The following WDR6 variants were observed in gnomAD, a reference collection of about 807,000 sequenced individuals.
The protein encoded by WDR6 is tRNA (34-2'-O)-methyltransferase regulator WDR6.
WDR6 carries 58 observed loss-of-function variants against 85.6 expected under a neutral mutation model. The observed-to-expected ratio is 0.68, with a 90% confidence interval of 0.55 to 0.84. The LOEUF is 0.84. Among genes scored for constraint, WDR6 ranks in the 40% least tolerant of loss-of-function variants. The probability of loss-of-function intolerance (pLI) is 0.00; values close to 1 mark genes in which losing one functional copy is unlikely to be tolerated. For synonymous variants in WDR6, 569 were observed against 582.2 expected (o/e 0.98, Z 0.33); for missense variants, 1,310 against 1,476.4 (o/e 0.89, Z 1.85).
Position 49,013,044 on chromosome 3 carries a change from G to A in WDR6, c.1510G>A (p.Asp504Asn), listed in dbSNP as rs755158944. ...ATGCAGTGCCTTCCTACCCCCAGGT[G>A]ACTTCCTGGTGTGTGGTGACCGCCG... ...HTCSAFLPPG[D>N]FLVCGDRRGS... Residue 504 changes from aspartate (D) to asparagine (N), a missense_variant, in exon 2 of 6, where the codon GAC becomes AAC. Coordinates refer to ENST00000608424, the MANE Select transcript of WDR6 (RefSeq NM_018031.6). The surrounding 1 kb of genome is among the most constrained non-coding windows in gnomAD (Gnocchi z 4.6). 8 of 1,612,252 alleles carry A rather than the reference G, an allele frequency of 5.0e-6. No homozygotes were observed. The highest frequency in any genetic ancestry group is 1.3e-5 in the African/African-American group (1 of 74,878).
In WDR6 at chr3:49,015,794, G is replaced by A. The variant is rs549158920; in HGVS notation, c.*506G>A. The A allele has an allele frequency of 3.7e-6, 6 of 1,614,140 alleles. No individual in the cohort carries two copies. In the African/African-American group the frequency reaches 5.3e-5, roughly 14 times the overall value. On this transcript the variant is annotated 3_prime_UTR_variant, in exon 6 of 6. Coordinates refer to ENST00000608424, the MANE Select transcript of WDR6 (RefSeq NM_018031.6). ...TCTGCACGTCCCACCCCATTTTGCT[G>A]TGTGCTCACCCCCAGGATGTGTACC...
chr3:49,015,820 C>T lies in WDR6; in HGVS notation c.*532C>T, dbSNP rs776310312. The T allele has an allele frequency of 1.3e-5, 21 of 1,614,052 alleles. No individual in the cohort carries two copies. Among genetic ancestry groups the T allele is most frequent in the African/African-American group, 5.3e-5 (4 of 74,912 alleles). ...TGTGCTCACCCCCAGGATGTGTACC[C>T]GGTTGTAGTAGGAGCTGAAATCCAT... On this transcript the variant is annotated 3_prime_UTR_variant, in exon 6 of 6. Coordinates refer to ENST00000608424, the MANE Select transcript of WDR6 (RefSeq NM_018031.6).
At position 49,015,530 on chromosome 3, in the gene WDR6, G is replaced by C; in HGVS notation, c.*242G>C. On this transcript the variant is annotated 3_prime_UTR_variant, in exon 6 of 6. Coordinates refer to ENST00000608424, the MANE Select transcript of WDR6 (RefSeq NM_018031.6). ...CAATTTATTTTGGCCGTGGGTTTTT[G>C]CTTTTTTTCCAGTTGATGACTTTGT... 9 of 1,598,380 alleles carry C rather than the reference G, an allele frequency of 5.6e-6. No homozygotes were observed. The South Asian group carries it at 1.0e-4, about 18-fold the overall frequency.
At position 49,015,944 on chromosome 3, in the gene WDR6, G is replaced by A. The variant is rs762100811; in HGVS notation, c.*656G>A. Reference sequence around the variant, plus strand: ...CCCAGGCCAGAATAAAGAATAGAGTGTAGAGTGTCCTGGTTGTCTATGCCT... The same window carrying A: ...CCCAGGCCAGAATAAAGAATAGAGTATAGAGTGTCCTGGTTGTCTATGCCT... On this transcript the variant is annotated 3_prime_UTR_variant, in exon 6 of 6. Coordinates refer to ENST00000608424, the MANE Select transcript of WDR6 (RefSeq NM_018031.6). 6 of 1,614,184 alleles carry A rather than the reference G, an allele frequency of 3.7e-6. No homozygotes were observed. The highest frequency in any genetic ancestry group is 5.1e-6 in the Non-Finnish European group (6 of 1,180,026).
rs1466159755 is a variant in WDR6 at position 49,013,442 on chromosome 3, G to A, written c.1908G>A (p.Glu636=). Residue 636 remains glutamate, a synonymous_variant, in exon 2 of 6, where the codon GAG becomes GAA. Coordinates refer to ENST00000608424, the MANE Select transcript of WDR6 (RefSeq NM_018031.6). This position sits in a 1 kb window ranked among gnomAD's most constrained non-coding sequence, Gnocchi z 4.6. ...TTATCCTGGGTTTCCATGCCAATGA[G>A]TTTGTGGTGTGGAACCCTCGGTCAC... ...SMVILGFHAN[E]FVVWNPRSHE... The A allele has an allele frequency of 6.2e-7, 1 of 1,614,192 alleles. No homozygotes were observed. Among genetic ancestry groups the A allele is most frequent in the South Asian group, 1.1e-5 (1 of 91,086 alleles).
chr3:49,015,847 C>T lies in WDR6; in HGVS notation c.*559C>T, dbSNP rs1288134744. On this transcript the variant is annotated 3_prime_UTR_variant, in exon 6 of 6. Transcript: ENST00000608424. Reference sequence around the variant, plus strand: ...GTTGTAGTAGGAGCTGAAATCCATGCTGAGCTGTACCAGGAACTTGCATAT... The same window carrying T: ...GTTGTAGTAGGAGCTGAAATCCATGTTGAGCTGTACCAGGAACTTGCATAT... 2 of 1,614,110 alleles carry T rather than the reference C, an allele frequency of 1.2e-6. No individual in the cohort carries two copies. Among genetic ancestry groups the T allele is most frequent in the Non-Finnish European group, 1.7e-6 (2 of 1,180,056 alleles).
intron 1 of WDR6, among the ~76,000 whole-genome samples, chr3:49,009,311 A>C (rs377353637): frequency 0.1 from 6,355 of 62,096 alleles, 36 homozygotes; most frequent in Non-Finnish European, 0.12. Context: ...ATTGCTCCCC[A>C]CCCCCCCCCC....
Position 49,013,091 on chromosome 3 carries a change from C to T in WDR6, c.1557C>T (p.Pro519=). 1 of 1,610,306 alleles carries T rather than the reference C, an allele frequency of 6.2e-7. No individual in the cohort carries two copies. The highest frequency in any genetic ancestry group is 2.2e-5 in the East Asian group (1 of 44,798). The part of the protein sequence containing the change: ...GDRRGSVLLF[P]SRPGLLKDPG... ...GCCGGGGCTCTGTGCTGCTATTCCCCTCCAGACCAGGTCTGCTCAAGGACC... is the reference window on the plus strand; with the variant it reads ...GCCGGGGCTCTGTGCTGCTATTCCCTTCCAGACCAGGTCTGCTCAAGGACC... Residue 519 remains proline, a synonymous_variant, in exon 2 of 6, where the codon CCC becomes CCT. Transcript: ENST00000608424. This position sits in a 1 kb window ranked among gnomAD's most constrained non-coding sequence, Gnocchi z 4.6.
chr3:49,015,804 C>G lies in WDR6; in HGVS notation c.*516C>G. The stretch of plus-strand genomic sequence containing the variant: ...CCACCCCATTTTGCTGTGTGCTCAC[C>G]CCCAGGATGTGTACCCGGTTGTAGT... On this transcript the variant is annotated 3_prime_UTR_variant, in exon 6 of 6. Transcript: ENST00000608424. The G allele has an allele frequency of 6.2e-7, 1 of 1,614,152 alleles. No individual in the cohort carries two copies. Among genetic ancestry groups the G allele is most frequent in the Non-Finnish European group, 8.5e-7 (1 of 1,180,036 alleles).
rs769687853 is a variant in WDR6 at position 49,012,690 on chromosome 3, G to C, written c.1156G>C (p.Glu386Gln). The change falls in exon 2 of 6, where the codon GAG (glutamate) becomes CAG (glutamine). Residue 386 changes from glutamate to glutamine, a missense_variant. Coordinates refer to ENST00000608424, the MANE Select transcript of WDR6 (RefSeq NM_018031.6). The surrounding 1 kb of genome is among the most constrained non-coding windows in gnomAD (Gnocchi z 4.4). ...GGTCAAGTGCTGGGAGCAGCTGCTA[G>C]AGGATAAACATTTCCAGTCCTACTG... The part of the protein sequence containing the change: ...VEVKCWEQLL[E>Q]DKHFQSYCLL... 1 of 1,614,030 alleles carries C rather than the reference G, an allele frequency of 6.2e-7. No individual in the cohort carries two copies.
At chr3:49,008,528 C>T (rs2092997428) in intron 1 of WDR6, 1 of 152,132 alleles carries the variant, frequency 6.6e-6, no homozygotes, top group African/African-American at 2.4e-5. Context: ...CTCAAAGAAC[C>T]ACAAGAGTGA....
Position 49,014,527 on chromosome 3 carries a change from A to G in WDR6, c.2783+28A>G, listed in dbSNP as rs974423030. 1 of 1,613,810 alleles carries G rather than the reference A, an allele frequency of 6.2e-7. No homozygotes were observed. The highest frequency in any genetic ancestry group is 1.1e-5 in the South Asian group (1 of 91,076). ...GAGAGGGGCTGGATGATGGTCCTGCATGGGCTGGGTTGGGGGGTTCCTGTT... is the reference window on the plus strand; with the variant it reads ...GAGAGGGGCTGGATGATGGTCCTGCGTGGGCTGGGTTGGGGGGTTCCTGTT... On this transcript the variant is annotated intron_variant, in intron 4 of 5. Coordinates refer to ENST00000608424, the MANE Select transcript of WDR6 (RefSeq NM_018031.6). This position sits in a 1 kb window ranked among gnomAD's most constrained non-coding sequence, Gnocchi z 4.9.
At chr3:49,011,520 T>C in intron 1 of WDR6, 115 bp from the exon 2 acceptor site, 5 of 1,611,960 alleles carry the variant, frequency 3.1e-6, no homozygotes, top group Non-Finnish European at 4.2e-6. Context: ...CAGGATTGTG[T>C]GTCCTGATGC....
In WDR6 at chr3:49,015,751, G is replaced by A. The variant is rs752155553; in HGVS notation, c.*463G>A. 2.5e-6 allele frequency: 4 copies of A among 1,613,894 alleles called. No homozygotes were observed. The African/African-American group carries it at 5.3e-5, about 22-fold the overall frequency. The stretch of plus-strand genomic sequence containing the variant: ...GCTGGTCTCATCCTCTGCTTCCTTT[G>A]CCTTTACCCTATACCTCTCTGCACG... On this transcript the variant is annotated 3_prime_UTR_variant, in exon 6 of 6. Coordinates refer to ENST00000608424, the MANE Select transcript of WDR6 (RefSeq NM_018031.6).
At position 49,011,950 on chromosome 3, in the gene WDR6, T is replaced by A; in HGVS notation, c.416T>A (p.Val139Glu). The A allele has an allele frequency of 1.2e-6, 2 of 1,614,180 alleles. No individual in the cohort carries two copies. The highest frequency in any genetic ancestry group is 1.7e-6 in the Non-Finnish European group (2 of 1,180,030). Residue 139 changes from valine to glutamate, a missense_variant, in exon 2 of 6, where the codon GTG becomes GAG. By Grantham distance (121) the Val-to-Glu change is moderately radical. Transcript: ENST00000608424. ...TTGGCCCTGGGCCACAACTCAGTGG[T>A]GCTATATGACCCTGTAGTAGGGTGC... ...IALALGHNSV[V>E]LYDPVVGCIL...
intron 1 of WDR6, chr3:49,008,980 C>G (rs2093000258): frequency 6.5e-6 from 1 of 153,940 alleles, no homozygotes; most frequent in Non-Finnish European, 1.5e-5. Context: ...CTCCCAGGTT[C>G]AAGTGATTCT....
chr3:49,011,026 A>AG (rs924244295), intron 1 of WDR6: 5 of 433,722 alleles, frequency 1.2e-5, no homozygotes, highest in African/African-American at 8.3e-5. Flanking sequence ...AAAAAAAAAA[A>AG]GAATGACTGA....
rs1302285501 is a variant in WDR6, at chr3:49,013,343, A to C, written c.1809A>C (p.Pro603=). 6.2e-7 allele frequency: 1 copy of C among 1,614,210 alleles called. No homozygotes were observed. The highest frequency in any genetic ancestry group is 8.5e-7 in the Non-Finnish European group (1 of 1,180,020). ...TTGTACGAGACGGCCAGCTCCAGCCAGTCCTAAGGCAGAAGTCCTGTCGAG... is the reference window on the plus strand; with the variant it reads ...TTGTACGAGACGGCCAGCTCCAGCCCGTCCTAAGGCAGAAGTCCTGTCGAG... ...QLFVRDGQLQ[P]VLRQKSCRGM... The change falls in exon 2 of 6, where the codon CCA becomes CCC. Residue 603 remains proline, a synonymous_variant. Transcript: ENST00000608424. The surrounding 1 kb of genome is among the most constrained non-coding windows in gnomAD (Gnocchi z 4.6).
rs1009691217 is a variant in WDR6, at chr3:49,007,793, G to A, written c.100+262G>A. 5.1e-6 allele frequency: 5 copies of A among 978,772 alleles called. No individual in the cohort carries two copies. The Admixed American group carries it at 1.2e-4, about 24-fold the overall frequency. 60.6% of individuals were successfully genotyped at this position (978,772 alleles called of 1,614,324 possible). A position where few individuals can be genotyped will look rare whatever the true frequency, so the allele number is the denominator to read the frequency against. ...GCGTGGAAAGGGCGGGTGGAACCGC[G>A]GGAGGGTGCAGGGGAACGCGGCCGC... is the stretch of plus-strand genomic sequence containing the variant. On this transcript the variant is annotated intron_variant, in intron 1 of 5. Transcript: ENST00000608424. The surrounding 1 kb of genome is among the most constrained non-coding windows in gnomAD (Gnocchi z 5.1).
Sources: gnomAD v4.1 joint callset for allele counts (sites outside exome capture counted in the v4.1 genomes callset) on GRCh38, gnomAD v4.1.1 for gene constraint, Gnocchi (gnomAD v3.1) non-coding constraint, MANE v1.5 for transcripts, NCBI Gene and HGNC (gene_info 2026-07-23, HGNC 2026-07-21) for gene names.